Variants in CEACAM18 observed in about 807,000 individuals in gnomAD.
CEACAM18 encodes cell adhesion molecule CEACAM18.
Under a neutral mutation model 34.3 loss-of-function variants are expected in CEACAM18, and 33 were observed. The ratio of observed to expected loss-of-function variants is 0.96; its 90% CI spans 0.73 to 1.29. The LOEUF is 1.29. Ranked by LOEUF, CEACAM18 falls within the 50% of genes most tolerant of loss-of-function variation. CEACAM18 has a pLI of 0.00. For missense variants in CEACAM18, 474 were observed against 485.0 expected, an observed-to-expected ratio of 0.98 and a Z score of 0.21; for synonymous variants, 169 against 180.9, an observed-to-expected ratio of 0.93 and a Z score of 0.53.
intron 4 of CEACAM18, 182 bp downstream of exon 4, chr19:51,483,478 G>A: frequency 1.4e-6 from 1 of 690,538 alleles, no homozygotes; most frequent in Non-Finnish European, 2.5e-6. Context: ...GAATCCTCTG[G>A]AGTCCTCAGA....
chr19:51,479,254 A>G (rs1989866508), intron 1 of CEACAM18, among the ~76,000 whole-genome samples: 1 of 152,232 alleles, frequency 6.6e-6, no homozygotes, highest in Non-Finnish European at 1.5e-5. Flanking sequence ...GGTCTCAGGC[A>G]TCTCTGCCTC....
At chr19:51,478,820 G>T in intron 1 of CEACAM18, 126 bp downstream of exon 1, 1 of 646,632 alleles carries the variant, frequency 1.5e-6, no homozygotes, top group South Asian at 3.4e-5. Flanking sequence ...CCAGAGCAGG[G>T]GTCGGGGAGA....
intron 1 of CEACAM18, among the ~76,000 whole-genome samples, chr19:51,479,973 A>G (rs1989881229): frequency 6.6e-6 from 1 of 152,198 alleles, no homozygotes; most frequent in Non-Finnish European, 1.5e-5. Context: ...TACCCACCTA[A>G]GAGTTTGGAC....
At chr19:51,481,058 C>T (rs1599942326) in intron 2 of CEACAM18, among the ~76,000 whole-genome samples, 1 of 152,126 alleles carries the variant, frequency 6.6e-6, no homozygotes, top group Admixed American at 6.5e-5. Flanking sequence ...TATTGTGTAG[C>T]CAAATGCCAC....
chr19:51,482,170 T>G (rs565640986), intron 3 of CEACAM18, among the ~76,000 whole-genome samples: 2 of 113,974 alleles, frequency 1.8e-5, no homozygotes, highest in African/African-American at 2.7e-5. Flanking sequence ...CATACATTCT[T>G]TTTTTTTTAT....
chr19:51,481,227 C>T (rs1294733118), intron 2 of CEACAM18, among the ~76,000 whole-genome samples, 166 bp from the exon 3 acceptor site: 1 of 152,174 alleles, frequency 6.6e-6, no homozygotes, highest in Non-Finnish European at 1.5e-5. Context: ...AGCCTCATTG[C>T]CCTGTGCCTA....
Position 51,480,364 on chromosome 19 carries a change from CTCT to C in CEACAM18, c.85_87del (p.Ser29del), listed in dbSNP as rs749018437. The C allele has an allele frequency of 2.5e-6, 4 of 1,611,812 alleles. No homozygotes were observed. The African/African-American group carries it at 4.0e-5, about 16-fold the overall frequency. ...TGCTGGCCTGTGGGATCTGCCAGGC[CTCT>C]GGCCAAATCTTCATCACCCAAACCC... On this transcript the variant is annotated inframe_deletion, in exon 2 of 6. Transcript: ENST00000396477.
exon 6 of CEACAM18, chr19:51,490,755 C>T (rs1990076809): frequency 1.7e-6 from 1 of 571,896 alleles, no homozygotes; most frequent in Non-Finnish European, 2.6e-6. Flanking sequence ...GGACCCAGCC[C>T]AGTCACACGG....
intron 2 of CEACAM18, 27 bp from the exon 3 acceptor site, chr19:51,481,366 T>C: frequency 6.2e-7 from 1 of 1,606,406 alleles, no homozygotes; most frequent in Non-Finnish European, 8.5e-7. Flanking sequence ...CCACTTGTAA[T>C]TTTTTTCTCT....
Position 51,483,356 on chromosome 19 carries a change from A to G in CEACAM18, c.953+60A>G, listed in dbSNP as rs1286849696. The stretch of plus-strand genomic sequence containing the variant: ...CATCTCCCTGCCTCCATGCCCTGCT[A>G]GGCAGTGCCCACCCTCAGGAGTGCC... On this transcript the variant is annotated intron_variant, in intron 4 of 5. Coordinates refer to ENST00000396477, the Ensembl canonical transcript of CEACAM18. 6.9e-6 allele frequency: 11 copies of G among 1,596,276 alleles called. No individual in the cohort carries two copies. In the Admixed American group the frequency reaches 1.8e-4, roughly 27 times the overall value.
intron 1 of CEACAM18, 80 bp from the exon 2 acceptor site, chr19:51,480,253 G>T (rs1416061585): frequency 8.5e-7 from 1 of 1,174,356 alleles, no homozygotes; most frequent in Non-Finnish European, 1.2e-6. Context: ...TTCCCGGATG[G>T]TGTCTTTTTT....
intron 2 of CEACAM18, among the ~76,000 whole-genome samples, chr19:51,481,106 T>C (rs1001205479): frequency 6.6e-6 from 1 of 152,100 alleles, no homozygotes; most frequent in Non-Finnish European, 1.5e-5. Context: ...TGGATGAGGG[T>C]CCTGGTTTGG....
At chr19:51,485,429 G>T (rs908736834) in intron 5 of CEACAM18, among the ~76,000 whole-genome samples, 4 of 152,212 alleles carry the variant, frequency 2.6e-5, no homozygotes, top group African/African-American at 4.8e-5. Context: ...TGAGAGGTCT[G>T]CATGTCAATT....
At chr19:51,480,784 C>G in intron 2 of CEACAM18, 104 bp downstream of exon 2, 1 of 1,062,982 alleles carries the variant, frequency 9.4e-7, no homozygotes, top group Non-Finnish European at 1.4e-6. Flanking sequence ...GTGGAAATCA[C>G]GGAGCCGCCC....
At chr19:51,489,350 C>T (rs943159026) in intron 5 of CEACAM18, among the ~76,000 whole-genome samples, 1 of 151,426 alleles carries the variant, frequency 6.6e-6, no homozygotes, top group African/African-American at 2.4e-5. Context: ...TCACAGCTAC[C>T]ACGATCCAGC....
intron 5 of CEACAM18, 48 bp downstream of exon 5, chr19:51,485,170 G>A (rs1207962087): frequency 4.1e-6 from 6 of 1,451,358 alleles, no homozygotes; most frequent in Admixed American, 4.9e-5. Context: ...CTGGGGGCTG[G>A]GACTCAGGAG....
exon 6 of CEACAM18, chr19:51,490,778 G>A: frequency 2.2e-6 from 1 of 460,548 alleles, no homozygotes; most frequent in East Asian, 3.5e-5. Flanking sequence ...GCCTGGAGAT[G>A]GAGGCTCCAG....
chr19:51,478,720 G>A (rs891997990), intron 1 of CEACAM18, 26 bp downstream of exon 1: 8 of 1,410,428 alleles, frequency 5.7e-6, no homozygotes, highest in African/African-American at 3.0e-5. Context: ...TGCTGGATGA[G>A]CTTCCCAGGA....
intron 5 of CEACAM18, among the ~76,000 whole-genome samples, chr19:51,487,235 G>A (rs1295394651): frequency 6.6e-6 from 1 of 152,106 alleles, no homozygotes; most frequent in Non-Finnish European, 1.5e-5. Flanking sequence ...AACATTTTGG[G>A]AGGCTGAGGC....
Sources: allele counts gnomAD v4.1 joint callset (sites outside exome capture counted in the v4.1 genomes callset), GRCh38; gene constraint gnomAD v4.1.1; transcripts MANE v1.5; gene names NCBI Gene and HGNC (gene_info 2026-07-23, HGNC 2026-07-21).